Variants in SPTLC3 observed in about 807,000 individuals in gnomAD.
SPTLC3 encodes serine palmitoyltransferase 3.
In SPTLC3, 36 loss-of-function variants were observed where a neutral mutation model predicts 59.3. The observed-to-expected ratio is 0.61, with a 90% CI of 0.47 to 0.80. The LOEUF (loss-of-function observed/expected upper bound fraction) is 0.80, where lower values mean the gene tolerates loss of function less well. Among genes scored for constraint, SPTLC3 ranks in the 30% least tolerant of loss-of-function variants. SPTLC3 has a pLI of 0.00. For synonymous variants in SPTLC3, 257 were observed against 240.8 expected (o/e 1.07, Z -0.62); for missense variants, 625 against 685.1 (o/e 0.91, Z 0.98).
intron 8 of SPTLC3, among the ~76,000 whole-genome samples, chr20:13,118,355 C>T (rs746321939): frequency 7.7e-5 from 11 of 143,514 alleles, no homozygotes; most frequent in Non-Finnish European, 1.2e-4. Flanking sequence ...AATATCTTAT[C>T]AATATGCCTT....
intron 1 of SPTLC3, among the ~76,000 whole-genome samples, chr20:13,010,581 G>T (rs1438228365): frequency 1.3e-5 from 2 of 152,308 alleles, no homozygotes; most frequent in South Asian, 2.1e-4. Context: ...TGTCCCACCT[G>T]AGGATCTGAA....
chr20:13,123,263 G>A (rs1461205483), intron 8 of SPTLC3, among the ~76,000 whole-genome samples: 1 of 151,664 alleles, frequency 6.6e-6, no homozygotes, highest in Non-Finnish European at 1.5e-5. Flanking sequence ...CCCAGGAGAC[G>A]AAGGTTGCAG....
chr20:13,049,029 A>C lies in SPTLC3; in HGVS notation c.202A>C (p.Met68Leu). The C allele has an allele frequency of 6.2e-7, 1 of 1,613,464 alleles. No individual in the cohort carries two copies. Among genetic ancestry groups the C allele is most frequent in the Non-Finnish European group, 8.5e-7 (1 of 1,179,766 alleles). ...CCTTCATGTTATGGTTTTCACTTAC[A>C]TGGGATATGGAATTGGAACCCTGTT... ...APLHVMVFTY[M>L]GYGIGTLFGY... The change falls in exon 2 of 12, where the codon ATG becomes CTG. Residue 68 changes from methionine (M) to leucine (L), a missense_variant. Coordinates refer to ENST00000399002, the MANE Select transcript of SPTLC3 (RefSeq NM_018327.4).
At chr20:13,038,402 T>C (rs1212571057) in intron 1 of SPTLC3, among the ~76,000 whole-genome samples, 2 of 152,112 alleles carry the variant, frequency 1.3e-5, no homozygotes, top group Admixed American at 6.5e-5. Context: ...TCTTATTGAG[T>C]TGGTTTTTTG....
intron 2 of SPTLC3, among the ~76,000 whole-genome samples, chr20:13,070,695 G>A (rs1988403619): frequency 6.6e-6 from 1 of 152,124 alleles, no homozygotes; most frequent in African/African-American, 2.4e-5. Context: ...CCCACTGTCT[G>A]TGCCCAGCTG....
chr20:13,064,698 T>G (rs1988125099), intron 2 of SPTLC3, among the ~76,000 whole-genome samples: 1 of 152,234 alleles, frequency 6.6e-6, no homozygotes, highest in South Asian at 2.1e-4. Flanking sequence ...AAGATTTTCT[T>G]TCTGTGTATA....
chr20:13,158,965 A>G (rs141712055), intron 10 of SPTLC3, among the ~76,000 whole-genome samples: 130 of 152,366 alleles, frequency 8.5e-4, no homozygotes, highest in Non-Finnish European at 1.5e-3. Context: ...TCTTAATGCT[A>G]AGAACAGATC....
chr20:13,092,520 C>G (rs1989262358), intron 5 of SPTLC3, among the ~76,000 whole-genome samples: 1 of 152,160 alleles, frequency 6.6e-6, no homozygotes, highest in Non-Finnish European at 1.5e-5. Context: ...TTTGAACTGT[C>G]TATCAAATGA....
intron 9 of SPTLC3, among the ~76,000 whole-genome samples, chr20:13,135,930 G>A (rs187721624): frequency 1.1e-4 from 17 of 152,288 alleles, no homozygotes; most frequent in African/African-American, 3.1e-4. Context: ...GGATGAAAAC[G>A]TGATTCATTT....
chr20:13,064,177 G>A (rs6033607), intron 2 of SPTLC3, among the ~76,000 whole-genome samples: 2,700 of 151,022 alleles, frequency 0.018, 80 homozygotes, highest in African/African-American at 0.063. Flanking sequence ...TTACAGGCAT[G>A]AGCCACCGCA....
At chr20:13,061,944 ACT>A (rs1354061847) in intron 2 of SPTLC3, among the ~76,000 whole-genome samples, 1 of 151,920 alleles carries the variant, frequency 6.6e-6, no homozygotes, top group African/African-American at 2.4e-5. Flanking sequence ...GCTGCCAGAG[ACT>A]CTGCAGAACG....
At chr20:13,087,187 C>T (rs1329192388) in intron 4 of SPTLC3, among the ~76,000 whole-genome samples, 2 of 152,190 alleles carry the variant, frequency 1.3e-5, no homozygotes, top group African/African-American at 4.8e-5. Context: ...TCTCATGAGT[C>T]GGCTGGCTGT....
rs2039014275 is a variant in SPTLC3 at position 13,168,637 on chromosome 20, A to G, written c.*3770A>G. ...TTCTTTTGTATTTTTCTTCAGAGAT[A>G]GCAAATGTTATAAATGGCCTACTCT... On this transcript the variant is annotated 3_prime_UTR_variant, in exon 12 of 12. Transcript: ENST00000399002. 1 of 152,224 alleles carries G rather than the reference A, an allele frequency of 6.6e-6. No individual in the cohort carries two copies. Among genetic ancestry groups the G allele is most frequent in the Non-Finnish European group, 1.5e-5 (1 of 68,038 alleles). 9.4% of individuals were successfully genotyped at this position (152,224 alleles called of 1,614,324 possible). A position where few individuals can be genotyped will look rare whatever the true frequency, so the allele number is the denominator to read the frequency against.
intron 7 of SPTLC3, among the ~76,000 whole-genome samples, chr20:13,117,020 A>T (rs1234115224): frequency 6.6e-6 from 1 of 152,228 alleles, no homozygotes; most frequent in Non-Finnish European, 1.5e-5. Context: ...TAACACTATG[A>T]TGTCTTAAAT....
intron 2 of SPTLC3, among the ~76,000 whole-genome samples, chr20:13,066,504 A>G (rs1387769468): frequency 6.6e-6 from 1 of 152,176 alleles, no homozygotes; most frequent in African/African-American, 2.4e-5. Context: ...TGCATTCTCA[A>G]TTATTACAGA....
intron 1 of SPTLC3, among the ~76,000 whole-genome samples, chr20:13,014,605 G>T (rs1600201891): frequency 6.6e-6 from 1 of 151,996 alleles, no homozygotes; most frequent in Admixed American, 6.6e-5. Context: ...ATAAAGATTT[G>T]AGTGCAAGAA....
intron 11 of SPTLC3, chr20:13,164,427 T>G: frequency 2.0e-6 from 1 of 489,136 alleles, no homozygotes; most frequent in Non-Finnish European, 4.2e-6. Flanking sequence ...TCCACAAGAC[T>G]ACATATAAGT....
intron 6 of SPTLC3, among the ~76,000 whole-genome samples, chr20:13,094,197 C>G (rs572401823): frequency 1.3e-5 from 2 of 152,166 alleles, no homozygotes; most frequent in East Asian, 1.9e-4. Context: ...TCTGAGTTCT[C>G]TCGTCCAGCT....
rs538913638 is a variant in SPTLC3, at chr20:13,160,127, G to C, written c.1540G>C (p.Asp514His). Residue 514 changes from aspartate (D) to histidine (H), a missense_variant, in exon 11 of 12, where the codon GAC becomes CAC. Transcript: ENST00000399002. ...VSAAHTREMLDTVLEALDEMG... is the reference protein window; with the variant it reads ...VSAAHTREMLHTVLEALDEMG... ...AGCGGCACATACCCGGGAGATGTTAGACACGGTGAGTACACCACAGGCCAA... is the reference window on the plus strand; with the variant it reads ...AGCGGCACATACCCGGGAGATGTTACACACGGTGAGTACACCACAGGCCAA... The C allele has an allele frequency of 1.2e-6, 2 of 1,613,902 alleles. No homozygotes were observed. Among genetic ancestry groups the C allele is most frequent in the South Asian group, 2.2e-5 (2 of 91,060 alleles).
Sources: allele counts gnomAD v4.1 joint callset (sites outside exome capture counted in the v4.1 genomes callset), GRCh38; gene constraint gnomAD v4.1.1; transcripts MANE v1.5; gene names NCBI Gene and HGNC (gene_info 2026-07-23, HGNC 2026-07-21).